Variants in ADGRL3 observed in about 807,000 individuals in gnomAD.
The protein encoded by ADGRL3 is calcium-independent alpha-latrotoxin receptor 3.
In ADGRL3, 62 loss-of-function variants were observed where a neutral mutation model predicts 153.5. The ratio of observed to expected loss-of-function variants is 0.40; its 90% CI spans 0.33 to 0.50. The LOEUF (loss-of-function observed/expected upper bound fraction) is 0.50, where lower values mean the gene tolerates loss of function less well. ADGRL3 is among the 20% of genes least tolerant of loss of function. The pLI is 0.47. For missense variants in ADGRL3, 1,641 were observed against 1,859.4 expected (o/e 0.88, Z 2.16); for synonymous variants, 710 against 672.5 (o/e 1.06, Z -0.86).
chr4:61,248,340 C>T (rs960354039), intron 1 of ADGRL3, among the ~76,000 whole-genome samples: 1 of 152,050 alleles, frequency 6.6e-6, no homozygotes, highest in African/African-American at 2.4e-5. Flanking sequence ...GCTTATGTAA[C>T]ATTTCTTTCC....
At chr4:61,355,694 T>C (rs1322897376) in intron 1 of ADGRL3, among the ~76,000 whole-genome samples, 1 of 152,104 alleles carries the variant, frequency 6.6e-6, no homozygotes, top group Admixed American at 6.5e-5. Context: ...CTCCATAAAA[T>C]ATGTAGATAG....
chr4:61,465,416 G>T (rs1266013454), intron 2 of ADGRL3, among the ~76,000 whole-genome samples: 1 of 151,904 alleles, frequency 6.6e-6, no homozygotes, highest in Non-Finnish European at 1.5e-5. Context: ...ACTCAGCTCT[G>T]AGTTACTCAA....
At chr4:61,388,898 A>G (rs116235872) in intron 2 of ADGRL3, among the ~76,000 whole-genome samples, 2,769 of 152,232 alleles carry the variant, frequency 0.018, 41 homozygotes, top group South Asian at 0.037. Context: ...TAAAATGGAA[A>G]CTGTTTGGGA....
At chr4:61,434,847 G>C (rs2097424592) in intron 2 of ADGRL3, among the ~76,000 whole-genome samples, 1 of 151,950 alleles carries the variant, frequency 6.6e-6, no homozygotes. Context: ...ATTAAGATTT[G>C]TAAAATTAAA....
chr4:62,063,042 C>CT (rs1045241209), intron 25 of ADGRL3, among the ~76,000 whole-genome samples: 1 of 151,906 alleles, frequency 6.6e-6, no homozygotes, highest in African/African-American at 2.4e-5. Flanking sequence ...GCCTTTTATC[C>CT]TTTTTTACTT....
At chr4:61,565,120 G>A (rs1339268758) in intron 4 of ADGRL3, among the ~76,000 whole-genome samples, 2 of 152,194 alleles carry the variant, frequency 1.3e-5, no homozygotes, top group African/African-American at 4.8e-5. Context: ...CAATAGACTT[G>A]CTGAATGCAG....
rs2096531903 is a variant in ADGRL3 at position 61,737,415 on chromosome 4, G to A, written c.1399+3861G>A. On this transcript the variant is annotated intron_variant, in intron 8 of 26. Transcript: ENST00000683033. ...CTCTTGGGTATATAAAGATCCTCTG[G>A]TGACACTTGGTGATGGTTACACATA... Among the ~76,000 whole-genome samples the A allele has an allele frequency of 3.3e-5, 5 of 152,208 alleles. No individual in the cohort carries two copies. In the South Asian group the frequency reaches 1.0e-3, roughly 32 times the overall value.
intron 1 of ADGRL3, among the ~76,000 whole-genome samples, chr4:61,371,595 G>C: frequency 6.6e-6 from 1 of 152,158 alleles, no homozygotes; most frequent in Non-Finnish European, 1.5e-5. Flanking sequence ...TCTGCCAAGA[G>C]ATCTGCTGTT....
At chr4:61,208,146 G>A (rs1738205495) in intron 1 of ADGRL3, among the ~76,000 whole-genome samples, 1 of 152,046 alleles carries the variant, frequency 6.6e-6, no homozygotes, top group South Asian at 2.1e-4. Context: ...AAGGAGTCAA[G>A]GGGAAAATAT....
intron 1 of ADGRL3, among the ~76,000 whole-genome samples, chr4:61,338,628 G>C (rs11728722): frequency 0.12 from 17,634 of 152,138 alleles, 1,268 homozygotes; most frequent in South Asian, 0.2. Flanking sequence ...ATTTAACTAT[G>C]TGTTGCTATT....
chr4:61,879,217 A>G (rs1443209609), intron 9 of ADGRL3, among the ~76,000 whole-genome samples: 4 of 152,214 alleles, frequency 2.6e-5, no homozygotes, highest in Admixed American at 2.6e-4. Context: ...TGTCAGTATT[A>G]CTAAAATAAA....
chr4:61,897,648 T>C (rs1344380873), intron 11 of ADGRL3, among the ~76,000 whole-genome samples: 5 of 152,204 alleles, frequency 3.3e-5, no homozygotes, highest in African/African-American at 1.2e-4. Flanking sequence ...TCTAACACTT[T>C]TAAATATTAG....
chr4:61,567,689 A>G (rs528653010), intron 4 of ADGRL3, among the ~76,000 whole-genome samples: 22 of 152,272 alleles, frequency 1.4e-4, no homozygotes, highest in African/African-American at 5.3e-4. Context: ...AGTAACCTAC[A>G]CTGATTTCCA....
intron 5 of ADGRL3, among the ~76,000 whole-genome samples, chr4:61,600,545 G>A (rs1402412449): frequency 1.3e-5 from 2 of 152,044 alleles, no homozygotes; most frequent in Admixed American, 6.6e-5. Context: ...CACATGTCCT[G>A]GTACACACTG....
At chr4:61,831,168 C>G (rs138844743) in intron 9 of ADGRL3, among the ~76,000 whole-genome samples, 9 of 151,988 alleles carry the variant, frequency 5.9e-5, no homozygotes, top group African/African-American at 2.2e-4. Context: ...GGATTACAGG[C>G]GTGAGCCACC....
rs545834348 is a variant in ADGRL3 at position 61,568,412 on chromosome 4, C to G, written c.260-18815C>G. Among the ~76,000 whole-genome samples, 5 of 152,064 alleles carry G rather than the reference C, an allele frequency of 3.3e-5. No individual in the cohort carries two copies. The South Asian group carries it at 1.0e-3, about 32-fold the overall frequency. On this transcript the variant is annotated intron_variant, in intron 4 of 26. Coordinates refer to ENST00000683033, the MANE Select transcript of ADGRL3 (RefSeq NM_001387552.1). Reference sequence around the variant, plus strand: ...TTCAGTGGATCCGAATTTGTATTTTCCTTTCTTTTCTCTTTGAAATTCATG... The same window carrying G: ...TTCAGTGGATCCGAATTTGTATTTTGCTTTCTTTTCTCTTTGAAATTCATG...
intron 1 of ADGRL3, among the ~76,000 whole-genome samples, chr4:61,318,934 A>G (rs982703399): frequency 1.3e-5 from 2 of 152,172 alleles, no homozygotes; most frequent in African/African-American, 4.8e-5. Context: ...GAGTTGTCAG[A>G]TATTTGGCAA....
At chr4:61,377,530 A>C (rs962281971) in intron 1 of ADGRL3, among the ~76,000 whole-genome samples, 33 of 152,166 alleles carry the variant, frequency 2.2e-4, no homozygotes, top group Admixed American at 5.9e-4. Context: ...GAAGAAGCTT[A>C]AGAGTAATTT....
intron 2 of ADGRL3, among the ~76,000 whole-genome samples, chr4:61,412,232 T>A (rs972033740): frequency 6.6e-6 from 1 of 152,104 alleles, no homozygotes; most frequent in Non-Finnish European, 1.5e-5. Flanking sequence ...CAGGCATGTA[T>A]CACTGTGCCC....
Sources: allele counts gnomAD v4.1 joint callset (sites outside exome capture counted in the v4.1 genomes callset), GRCh38; gene constraint gnomAD v4.1.1; transcripts MANE v1.5; gene names NCBI Gene and HGNC (gene_info 2026-07-23, HGNC 2026-07-21).